The following MEIS1 variants were observed in gnomAD, a reference collection of about 807,000 sequenced individuals.
MEIS1 encodes the protein homeobox protein Meis1.
A neutral mutation model predicts 50.8 loss-of-function variants in MEIS1; 5 were observed. That is an observed-to-expected ratio of 0.10 (90% confidence interval 0.05 to 0.21). The LOEUF (loss-of-function observed/expected upper bound fraction) is 0.21. Ranked by LOEUF, MEIS1 falls within the 10% of genes least tolerant of loss-of-function variation. The pLI is 1.00. For synonymous variants in MEIS1, 176 were observed against 179.3 expected, an observed-to-expected ratio of 0.98 and a Z score of 0.15; for missense variants, 318 against 517.3, an observed-to-expected ratio of 0.61 and a Z score of 3.74.
At chr2:66,569,518 G>C (rs1675432896) in intron 12 of MEIS1, 1 of 155,620 alleles carries the variant, frequency 6.4e-6, no homozygotes, top group Admixed American at 6.4e-5. Context: ...TCTAACCGCA[G>C]TTGATGCATG....
intron 12 of MEIS1, chr2:66,570,550 T>G (rs1272680760): frequency 1.3e-5 from 2 of 152,238 alleles, no homozygotes; most frequent in East Asian, 3.9e-4. Context: ...CAATTGAACC[T>G]ACTTAGCAAT....
chr2:66,478,190 T>C (rs1237336944), intron 7 of MEIS1, among the ~76,000 whole-genome samples: 1 of 152,138 alleles, frequency 6.6e-6, no homozygotes, highest in Non-Finnish European at 1.5e-5. Flanking sequence ...TTCCTGATGC[T>C]CTTGATAGTG....
intron 6 of MEIS1, among the ~76,000 whole-genome samples, chr2:66,451,236 A>G (rs759956321): frequency 1.4e-4 from 22 of 152,224 alleles, no homozygotes; most frequent in Non-Finnish European, 2.6e-4. Context: ...AAAAGCCTAA[A>G]TGTTTATTTT....
chr2:66,537,441 A>G (rs1295179378), intron 8 of MEIS1, among the ~76,000 whole-genome samples: 3 of 152,196 alleles, frequency 2.0e-5, no homozygotes, highest in Admixed American at 6.5e-5. Flanking sequence ...AGGCTACATC[A>G]TCACTGTAAT....
chr2:66,470,399 A>G (rs1672738150), intron 7 of MEIS1, among the ~76,000 whole-genome samples: 1 of 152,200 alleles, frequency 6.6e-6, no homozygotes, highest in Admixed American at 6.5e-5. Context: ...AGTCTATATT[A>G]TTAACTTATC....
chr2:66,452,018 T>G (rs548349319), intron 6 of MEIS1, among the ~76,000 whole-genome samples: 1 of 151,894 alleles, frequency 6.6e-6, no homozygotes, highest in Non-Finnish European at 1.5e-5. Context: ...AGCCAATATA[T>G]ATATAGAAAA....
At chr2:66,475,252 T>TATAAA (rs1402052845) in intron 7 of MEIS1, among the ~76,000 whole-genome samples, 1 of 146,276 alleles carries the variant, frequency 6.8e-6, no homozygotes, top group East Asian at 1.9e-4. Flanking sequence ...ATATGTTATT[T>TATAAA]ATAAAATAAA....
chr2:66,448,970 T>C (rs888283820), intron 6 of MEIS1, among the ~76,000 whole-genome samples: 3 of 152,062 alleles, frequency 2.0e-5, no homozygotes, highest in Non-Finnish European at 2.9e-5. Context: ...TGGATTATGA[T>C]ATCTGTCATA....
In MEIS1 at chr2:66,567,435, T is replaced by A; in HGVS notation, c.966-18T>A. ...TATTTTTAAGGAATAACGATTTGTT[T>A]CACTTTCTTGGTTACAGGTTTATTA... On this transcript the variant is annotated intron_variant, in intron 9 of 12. Transcript: ENST00000272369. The A allele has an allele frequency of 6.2e-7, 1 of 1,612,718 alleles. No individual in the cohort carries two copies. Among genetic ancestry groups the A allele is most frequent in the Non-Finnish European group, 8.5e-7 (1 of 1,179,254 alleles).
chr2:66,558,846 T>C (rs1675140451), intron 9 of MEIS1, among the ~76,000 whole-genome samples: 1 of 152,084 alleles, frequency 6.6e-6, no homozygotes, highest in South Asian at 2.1e-4. Context: ...TAAGATTCTT[T>C]AATACCTGAT....
chr2:66,455,412 T>G (rs2103723016), intron 6 of MEIS1, among the ~76,000 whole-genome samples: 1 of 152,278 alleles, frequency 6.6e-6, no homozygotes, highest in East Asian at 1.9e-4. Context: ...AGTTAAAGAA[T>G]TGGGCAAAAA....
At chr2:66,471,276 G>A (rs561181256) in intron 7 of MEIS1, among the ~76,000 whole-genome samples, 1 of 152,120 alleles carries the variant, frequency 6.6e-6, no homozygotes, top group South Asian at 2.1e-4. Context: ...TTATTTATGT[G>A]TGAATTCATG....
chr2:66,518,563 C>G (rs1674028208), intron 8 of MEIS1, among the ~76,000 whole-genome samples: 1 of 152,132 alleles, frequency 6.6e-6, no homozygotes, highest in Non-Finnish European at 1.5e-5. Flanking sequence ...GCCATTTGTA[C>G]TTCAAAGTGT....
intron 7 of MEIS1, among the ~76,000 whole-genome samples, chr2:66,480,999 T>TAAAAAAAAAAAA (rs957444246): frequency 6.9e-6 from 1 of 144,544 alleles, no homozygotes; most frequent in African/African-American, 2.5e-5. Context: ...GAATCTCTGT[T>TAAAAAAAAAAAA]AAAAAAAAAA....
In MEIS1 at chr2:66,435,505, T is replaced by G; in HGVS notation, c.-352T>G. 1 of 359,942 alleles carries G rather than the reference T, an allele frequency of 2.8e-6. No individual in the cohort carries two copies. The highest frequency in any genetic ancestry group is 2.1e-5 in the African/African-American group (1 of 47,982). 22.3% of individuals were successfully genotyped at this position (359,942 alleles called of 1,614,324 possible). A position where few individuals can be genotyped will look rare whatever the true frequency, so the allele number is the denominator to read the frequency against. On this transcript the variant is annotated 5_prime_UTR_variant, in exon 1 of 13. Transcript: ENST00000272369. ...GCTGGAGTGGCAGAAAGCCATGAGA[T>G]TTGGTAGTTGGGTCTGAGGGGCGCT...
chr2:66,548,149 AAAAC>A (rs1674835214), intron 9 of MEIS1, 130 bp downstream of exon 9: 1 of 789,636 alleles, frequency 1.3e-6, no homozygotes, highest in Non-Finnish European at 2.1e-6. Context: ...TTCAAAAGTG[AAAAC>A]AAACTGTTGA....
chr2:66,522,503 T>C (rs951193378), intron 8 of MEIS1, among the ~76,000 whole-genome samples: 8 of 152,214 alleles, frequency 5.3e-5, no homozygotes, highest in Non-Finnish European at 7.3e-5. Flanking sequence ...AAATAGGAGA[T>C]ATACGTGTCT....
In MEIS1 at chr2:66,439,824, CTG is replaced by C; in HGVS notation, c.240-17_240-16del. The C allele has an allele frequency of 6.2e-7, 1 of 1,610,908 alleles. No individual in the cohort carries two copies. ...GGACTAACCATTATGTTGTTTGTGA[CTG>C]TTGTATTTTCTTGCAGACACCCCCT... On this transcript the variant is annotated splice_polypyrimidine_tract_variant and intron_variant, in intron 2 of 12. Coordinates refer to ENST00000272369, the MANE Select transcript of MEIS1 (RefSeq NM_002398.3).
chr2:66,553,180 G>C (rs894820003), intron 9 of MEIS1, among the ~76,000 whole-genome samples: 24 of 152,160 alleles, frequency 1.6e-4, no homozygotes, highest in African/African-American at 5.1e-4. Flanking sequence ...TTCACACATA[G>C]AAAGTAATTG....
Sources: gnomAD v4.1 joint callset for allele counts (sites outside exome capture counted in the v4.1 genomes callset) on GRCh38, gnomAD v4.1.1 for gene constraint, MANE v1.5 for transcripts, NCBI Gene and HGNC (gene_info 2026-07-23, HGNC 2026-07-21) for gene names.